The following GALNT14 variants were observed in gnomAD, a reference collection of about 807,000 sequenced individuals.
GALNT14 encodes the protein UDP-GalNAc:polypeptide N-acetylgalactosaminyltransferase 14.
In GALNT14, 60 loss-of-function variants were observed where a neutral mutation model predicts 77.5. That is an observed-to-expected ratio of 0.77 (90% CI 0.63 to 0.96). The LOEUF (loss-of-function observed/expected upper bound fraction) is 0.96, where lower values mean the gene tolerates loss of function less well. GALNT14 is among the 40% of genes least tolerant of loss of function. The pLI is 0.00. For missense variants in GALNT14, 710 were observed against 731.0 expected (o/e 0.97, Z 0.33); for synonymous variants, 280 against 281.7 (o/e 0.99, Z 0.06).
intron 13 of GALNT14, among the ~76,000 whole-genome samples, chr2:30,914,033 C>T (rs190588535): frequency 1.4e-3 from 220 of 152,334 alleles, no homozygotes; most frequent in African/African-American, 5.0e-3. Context: ...CAAGTCTGTC[C>T]GCACAGAGGT....
intron 2 of GALNT14, among the ~76,000 whole-genome samples, chr2:30,989,581 T>A (rs866659789): frequency 1.2e-4 from 13 of 108,170 alleles, no homozygotes; most frequent in South Asian, 2.6e-4. Context: ...TATATATATA[T>A]AAAAATATAT....
chr2:31,116,150 GAT>G (rs1289375613), intron 1 of GALNT14, among the ~76,000 whole-genome samples: 2 of 152,066 alleles, frequency 1.3e-5, no homozygotes, highest in Non-Finnish European at 2.9e-5. Flanking sequence ...TGGAAAGAAA[GAT>G]AACAGTCAGC....
intron 1 of GALNT14, among the ~76,000 whole-genome samples, chr2:31,027,922 G>A (rs1370005704): frequency 6.6e-6 from 1 of 151,338 alleles, no homozygotes; most frequent in South Asian, 2.1e-4. Context: ...GTGTGTGCAC[G>A]CATGCATGCG....
downstream of GALNT14, among the ~76,000 whole-genome samples, chr2:30,907,869 A>C (rs2148188002): frequency 7.3e-6 from 1 of 137,700 alleles, no homozygotes; most frequent in African/African-American, 2.7e-5. Context: ...ACCATGATCA[A>C]GTGGGCTTCA....
intron 1 of GALNT14, among the ~76,000 whole-genome samples, chr2:31,090,317 G>T (rs920261818): frequency 3.3e-5 from 5 of 152,122 alleles, no homozygotes; most frequent in Admixed American, 3.3e-4. Flanking sequence ...AGCTCCCTGG[G>T]ACTGGAGCTG....
At chr2:31,016,833 C>A (rs1180402828) in intron 1 of GALNT14, among the ~76,000 whole-genome samples, 4 of 152,156 alleles carry the variant, frequency 2.6e-5, no homozygotes, top group Admixed American at 6.5e-5. Context: ...ATTAAATTTA[C>A]AAGGCTCTGC....
At chr2:31,079,944 C>T (rs1676054286) in intron 1 of GALNT14, among the ~76,000 whole-genome samples, 1 of 152,178 alleles carries the variant, frequency 6.6e-6, no homozygotes, top group Admixed American at 6.5e-5. Context: ...CTCTGGCTTC[C>T]AGCAGTCCTG....
At chr2:30,925,165 T>A (rs1665293696) in intron 11 of GALNT14, among the ~76,000 whole-genome samples, 1 of 152,228 alleles carries the variant, frequency 6.6e-6, no homozygotes, top group Admixed American at 6.5e-5. Context: ...GCTGGGGCTC[T>A]GGGCCTGCTT....
rs1266978925 is a variant in GALNT14 at position 31,035,565 on chromosome 2, GTGTA to G, written c.130-42562_130-42559del. Among the ~76,000 whole-genome samples, 899 of 138,512 alleles carry G rather than the reference GTGTA, an allele frequency of 6.5e-3. 24 individuals are homozygous for G. Among genetic ancestry groups the G allele is most frequent in the African/African-American group, 0.024 (850 of 34,722 alleles). 90.9% of individuals were successfully genotyped at this position (138,512 alleles called of 152,430 possible). On this transcript the variant is annotated intron_variant, in intron 1 of 14. Transcript: ENST00000349752. ...CTGGATAAAGAAAATGTGTGTGTGTGTGTATGTGTGTGTGTGTGTGTATACATAT... is the reference window on the plus strand; with the variant it reads ...CTGGATAAAGAAAATGTGTGTGTGTGTGTGTGTGTGTGTGTGTATACATAT...
intron 11 of GALNT14, among the ~76,000 whole-genome samples, chr2:30,928,088 C>T (rs796574251): frequency 6.6e-6 from 1 of 152,080 alleles, no homozygotes; most frequent in South Asian, 2.1e-4. Context: ...ATATGGCCAA[C>T]AGATTGGAAG....
intron 1 of GALNT14, among the ~76,000 whole-genome samples, chr2:31,092,541 GT>G: frequency 6.6e-6 from 1 of 152,174 alleles, no homozygotes; most frequent in Admixed American, 6.5e-5. Flanking sequence ...ACTCAGACAT[GT>G]GTCACGGGAA....
At chr2:31,129,500 A>G (rs1678873080) in intron 1 of GALNT14, 11 of 985,460 alleles carry the variant, frequency 1.1e-5, no homozygotes, top group Non-Finnish European at 1.2e-5. Flanking sequence ...GCAGCCATCA[A>G]TTGGCCATCT....
In GALNT14 at chr2:31,041,629, G is replaced by A. The variant is rs528164706; in HGVS notation, c.130-48622C>T. On this transcript the variant is annotated intron_variant, in intron 1 of 14. Transcript: ENST00000349752. ...GCAGGGCTTGGGATCCCATGCTACG[G>A]CATTCATATTGTGAACTATAGGCAA... 2.6e-5 allele frequency among the ~76,000 whole-genome samples: 4 copies of A among 152,256 alleles called. No individual in the cohort carries two copies. The South Asian group carries it at 6.2e-4, about 24-fold the overall frequency.
At chr2:30,949,610 C>T (rs936338447) in intron 6 of GALNT14, among the ~76,000 whole-genome samples, 1 of 152,208 alleles carries the variant, frequency 6.6e-6, no homozygotes, top group Non-Finnish European at 1.5e-5. Flanking sequence ...CTGAATGCAT[C>T]AGCCCGTGGC....
At chr2:31,021,270 A>T (rs992093589) in intron 1 of GALNT14, among the ~76,000 whole-genome samples, 1 of 152,110 alleles carries the variant, frequency 6.6e-6, no homozygotes, top group Non-Finnish European at 1.5e-5. Context: ...CTGTGGGTTA[A>T]GTCTGGCCTG....
At chr2:31,069,408 A>G (rs1675200916) in intron 1 of GALNT14, among the ~76,000 whole-genome samples, 1 of 152,234 alleles carries the variant, frequency 6.6e-6, no homozygotes, top group Admixed American at 6.5e-5. Flanking sequence ...CCTGTTACGT[A>G]GTAAGCACTT....
chr2:31,129,838 C>A (rs996074513), intron 1 of GALNT14, among the ~76,000 whole-genome samples: 10 of 152,178 alleles, frequency 6.6e-5, no homozygotes, highest in African/African-American at 2.4e-4. Context: ...ATAGTGCAAA[C>A]AGAGAAAAGA....
chr2:31,052,067 C>T (rs1035716613), intron 1 of GALNT14, among the ~76,000 whole-genome samples: 4 of 152,146 alleles, frequency 2.6e-5, no homozygotes, highest in East Asian at 1.9e-4. Context: ...CTGAGCTACC[C>T]GATGGCGCTC....
At chr2:30,964,812 T>A (rs1667896773) in intron 3 of GALNT14, among the ~76,000 whole-genome samples, 1 of 152,154 alleles carries the variant, frequency 6.6e-6, no homozygotes, top group African/African-American at 2.4e-5. Flanking sequence ...GAAGATTTGG[T>A]GCCTTCCCTC....
Sources: gnomAD v4.1 joint callset for allele counts (sites outside exome capture counted in the v4.1 genomes callset) on GRCh38, gnomAD v4.1.1 for gene constraint, MANE v1.5 for transcripts, NCBI Gene and HGNC (gene_info 2026-07-23, HGNC 2026-07-21) for gene names.